The following ZZEF1 variants were observed in gnomAD, a reference collection of about 807,000 sequenced individuals.
ZZEF1 encodes zinc finger ZZ-type and EF-hand domain containing 1.
In ZZEF1, 157 loss-of-function variants were observed where a neutral mutation model predicts 342.8. The observed-to-expected ratio is 0.46, with a 90% CI of 0.40 to 0.52. The LOEUF is 0.52. Among genes scored for constraint, ZZEF1 ranks in the 20% least tolerant of loss-of-function variants. ZZEF1 has a pLI of 0.00. For synonymous variants in ZZEF1, 1,505 were observed against 1,429.1 expected, an observed-to-expected ratio of 1.05 and a Z score of -1.20; for missense variants, 3,480 against 3,725.6, an observed-to-expected ratio of 0.93 and a Z score of 1.72.
chr17:4,114,858 G>T (rs1207399019), intron 3 of ZZEF1, among the ~76,000 whole-genome samples: 1 of 152,140 alleles, frequency 6.6e-6, no homozygotes, highest in African/African-American at 2.4e-5. Context: ...TTTAAATAAT[G>T]AGTGACACTT....
intron 36 of ZZEF1, 124 bp downstream of exon 36, chr17:4,050,657 A>G (rs1221259262): frequency 1.4e-6 from 2 of 1,384,020 alleles, no homozygotes; most frequent in Admixed American, 2.1e-5. Context: ...CACCAGGGTA[A>G]GCCCCTTTTG....
intron 39 of ZZEF1, among the ~76,000 whole-genome samples, chr17:4,041,194 T>C (rs2056794699): frequency 6.6e-6 from 1 of 152,158 alleles, no homozygotes; most frequent in African/African-American, 2.4e-5. Context: ...AAACACATCT[T>C]CAAAATATCC....
At chr17:4,128,345 TAAAA>T (rs74340131) in intron 1 of ZZEF1, among the ~76,000 whole-genome samples, 14 of 81,542 alleles carry the variant, frequency 1.7e-4, no homozygotes, top group African/African-American at 3.0e-4. Context: ...CAGACTGTCT[TAAAA>T]AAAAAAAAAA....
chr17:4,072,538 A>G, intron 25 of ZZEF1, 70 bp downstream of exon 25: 1 of 1,491,386 alleles, frequency 6.7e-7, no homozygotes, highest in Non-Finnish European at 9.0e-7. Context: ...ACAAGTGTTT[A>G]TAACTTAAAG....
chr17:4,037,926 G>A (rs1183487092), intron 39 of ZZEF1, among the ~76,000 whole-genome samples: 3 of 152,172 alleles, frequency 2.0e-5, no homozygotes, highest in Admixed American at 2.0e-4. Flanking sequence ...CACTTTTGGA[G>A]CAAACTAGTG....
intron 11 of ZZEF1, among the ~76,000 whole-genome samples, chr17:4,095,239 T>C (rs2058013144): frequency 6.6e-6 from 1 of 152,176 alleles, no homozygotes; most frequent in South Asian, 2.1e-4. Flanking sequence ...TCATCCTTCA[T>C]AAACAGCATA....
intron 39 of ZZEF1, among the ~76,000 whole-genome samples, chr17:4,040,523 T>A (rs2056780441): frequency 6.6e-6 from 1 of 152,080 alleles, no homozygotes; most frequent in African/African-American, 2.4e-5. Flanking sequence ...GAATAAAAGG[T>A]CTCACTTTAT....
At chr17:4,123,268 C>CATGTAT (rs2058514966) in intron 2 of ZZEF1, among the ~76,000 whole-genome samples, 1 of 85,340 alleles carries the variant, frequency 1.2e-5, no homozygotes, top group Non-Finnish European at 2.4e-5. Context: ...TTATCATAAC[C>CATGTAT]ATATATATAT....
intron 1 of ZZEF1, among the ~76,000 whole-genome samples, chr17:4,130,863 A>C (rs1450385333): frequency 2.0e-5 from 3 of 152,188 alleles, no homozygotes; most frequent in Non-Finnish European, 4.4e-5. Context: ...TTTAAGACTG[A>C]GGAAAAAGGG....
chr17:4,142,103 TTAC>T (rs1479888013), intron 1 of ZZEF1, among the ~76,000 whole-genome samples: 2 of 152,218 alleles, frequency 1.3e-5, no homozygotes, highest in Non-Finnish European at 2.9e-5. Context: ...TTCCAGCATG[TTAC>T]TACTGTCTTT....
chr17:4,103,157 C>G (rs2058154466), intron 8 of ZZEF1, among the ~76,000 whole-genome samples: 1 of 151,910 alleles, frequency 6.6e-6, no homozygotes, highest in Non-Finnish European at 1.5e-5. Context: ...CCCAACCACC[C>G]AAGAAAATAA....
At chr17:4,021,379 G>C in intron 44 of ZZEF1, 59 bp from the exon 45 acceptor site, 1 of 1,381,990 alleles carries the variant, frequency 7.2e-7, no homozygotes, top group Non-Finnish European at 9.8e-7. Flanking sequence ...AGATGGTACA[G>C]TCCTTTAATC....
At position 4,105,203 on chromosome 17, in the gene ZZEF1, C is replaced by T. The variant is rs565798489; in HGVS notation, c.1395-392G>A. On this transcript the variant is annotated intron_variant, in intron 7 of 54. Transcript: ENST00000381638. ...TTAATTTAAACACATTATACTGAAA[C>T]GTTAAAAACTGTCTAGATGGCTCAG... Among the ~76,000 whole-genome samples, 9 of 152,268 alleles carry T rather than the reference C, an allele frequency of 5.9e-5. No individual in the cohort carries two copies. The South Asian group carries it at 1.2e-3, about 21-fold the overall frequency.
At chr17:4,052,466 A>G (rs1198027330) in intron 34 of ZZEF1, among the ~76,000 whole-genome samples, 1 of 152,226 alleles carries the variant, frequency 6.6e-6, no homozygotes, top group Non-Finnish European at 1.5e-5. Flanking sequence ...CTGTTGATGT[A>G]TTCCTGTTAA....
At chr17:4,068,394 C>T (rs1219565779) in intron 26 of ZZEF1, among the ~76,000 whole-genome samples, 1 of 152,170 alleles carries the variant, frequency 6.6e-6, no homozygotes, top group Admixed American at 6.5e-5. Context: ...TCAAGCAATT[C>T]TCCTGTCTCA....
At chr17:4,108,542 G>A (rs942409487) in intron 6 of ZZEF1, among the ~76,000 whole-genome samples, 3 of 152,204 alleles carry the variant, frequency 2.0e-5, no homozygotes, top group Non-Finnish European at 4.4e-5. Flanking sequence ...CTGGGGCAAC[G>A]TGCAAAACTT....
intron 9 of ZZEF1, among the ~76,000 whole-genome samples, chr17:4,100,735 T>A (rs1329786348): frequency 6.6e-6 from 1 of 152,126 alleles, no homozygotes; most frequent in African/African-American, 2.4e-5. Flanking sequence ...CTCGGAAGGC[T>A]GAGGCAGAAG....
intron 1 of ZZEF1, among the ~76,000 whole-genome samples, chr17:4,130,228 C>T (rs1384310210): frequency 1.3e-5 from 2 of 152,098 alleles, no homozygotes; most frequent in African/African-American, 4.8e-5. Flanking sequence ...CTGAGGCAGG[C>T]AGATCACCTG....
At chr17:4,013,369 CACT>C in intron 52 of ZZEF1, 77 bp downstream of exon 52, 2 of 1,350,492 alleles carry the variant, frequency 1.5e-6, no homozygotes, top group Non-Finnish European at 1.9e-6. Context: ...TCAAAGTCAC[CACT>C]AACAGCAAGA....
Sources: allele counts gnomAD v4.1 joint callset (sites outside exome capture counted in the v4.1 genomes callset), GRCh38; gene constraint gnomAD v4.1.1; transcripts MANE v1.5; gene names NCBI Gene and HGNC (gene_info 2026-07-23, HGNC 2026-07-21).